Variants in RGS6 observed in about 807,000 individuals in gnomAD.
RGS6 encodes regulator of G protein signaling 6.
RGS6 carries 30 observed loss-of-function variants against 78.5 expected under a neutral mutation model. The observed-to-expected ratio is 0.38, with a 90% CI of 0.29 to 0.52. RGS6 has a LOEUF of 0.52. Ranked by LOEUF, RGS6 falls within the 20% of genes least tolerant of loss-of-function variation. The pLI, the probability that RGS6 is intolerant of heterozygous loss-of-function variation, is 0.85. For missense variants in RGS6, 495 were observed against 609.7 expected (o/e 0.81, Z 1.98); for synonymous variants, 206 against 206.0 (o/e 1.00, Z 0.00).
intron 2 of RGS6, among the ~76,000 whole-genome samples, chr14:72,076,180 C>T (rs17106719): frequency 0.036 from 5,421 of 152,260 alleles, 143 homozygotes; most frequent in African/African-American, 0.071. Context: ...CAGCGTGCGC[C>T]CTCCACAGGC....
chr14:72,132,652 CT>C (rs939650710), intron 2 of RGS6, among the ~76,000 whole-genome samples: 10 of 151,510 alleles, frequency 6.6e-5, no homozygotes, highest in South Asian at 2.1e-4. Context: ...TTCACACACT[CT>C]TTTTTTTTAA....
intron 1 of RGS6, among the ~76,000 whole-genome samples, chr14:71,944,326 C>T (rs577096696): frequency 1.8e-4 from 27 of 152,024 alleles, no homozygotes; most frequent in Non-Finnish European, 3.4e-4. Context: ...ATGAGGAAAC[C>T]GAGTGGAAAC....
At chr14:71,917,084 G>A in the RGS6 span, among the ~76,000 whole-genome samples, 1 of 152,180 alleles carries the variant, frequency 6.6e-6, no homozygotes, top group African/African-American at 2.4e-5. Context: ...CTGCACTCAT[G>A]GGTCAGGCTG....
chr14:72,297,222 G>C (rs755953756), intron 2 of RGS6, among the ~76,000 whole-genome samples: 46 of 152,030 alleles, frequency 3.0e-4, no homozygotes, highest in Non-Finnish European at 5.6e-4. Flanking sequence ...CTTCAACTTT[G>C]TTCTTCTATT....
At chr14:72,165,652 G>A (rs981996856) in intron 2 of RGS6, among the ~76,000 whole-genome samples, 19 of 152,158 alleles carry the variant, frequency 1.2e-4, no homozygotes, top group Non-Finnish European at 2.5e-4. Context: ...ATGCCAGCAC[G>A]TCGTTTTCTG....
the RGS6 span, chr14:72,619,980 T>TG: frequency 6.5e-7 from 1 of 1,534,014 alleles, no homozygotes; most frequent in East Asian, 2.4e-5. Context: ...GAAGAGTAGC[T>TG]GGTCCTGGTG....
chr14:71,994,357 A>G (rs1978227), intron 2 of RGS6, among the ~76,000 whole-genome samples: 67,714 of 151,852 alleles, frequency 0.45, 15,515 homozygotes, highest in East Asian at 0.54. Context: ...TCTCAAGTCA[A>G]TCATAACCTT....
intron 2 of RGS6, among the ~76,000 whole-genome samples, chr14:72,283,817 G>C (rs2062002521): frequency 6.6e-6 from 1 of 152,180 alleles, no homozygotes; most frequent in Non-Finnish European, 1.5e-5. Flanking sequence ...AGTTTGGAGG[G>C]CTCAGAAGAA....
chr14:72,516,589 C>T (rs997484720), intron 14 of RGS6, among the ~76,000 whole-genome samples: 4 of 152,208 alleles, frequency 2.6e-5, no homozygotes, highest in Non-Finnish European at 4.4e-5. Flanking sequence ...GCCCAGGCCA[C>T]CTGCGGAGAG....
the RGS6 span, among the ~76,000 whole-genome samples, chr14:71,914,455 C>G: frequency 6.6e-6 from 1 of 152,008 alleles, no homozygotes; most frequent in South Asian, 2.1e-4. Flanking sequence ...TTTCATGGAC[C>G]CTGGTGAGCT....
chr14:71,933,735 G>T (rs1389358662), intron 1 of RGS6, among the ~76,000 whole-genome samples: 1 of 152,112 alleles, frequency 6.6e-6, no homozygotes, highest in Non-Finnish European at 1.5e-5. Flanking sequence ...GGGTCTCGTC[G>T]GCTTGGGATT....
At chr14:72,442,137 G>A (rs1010311784) in intron 3 of RGS6, among the ~76,000 whole-genome samples, 10 of 151,666 alleles carry the variant, frequency 6.6e-5, no homozygotes, top group African/African-American at 2.4e-4. Context: ...TTGAATCTCT[G>A]GTGTCTGGCA....
At chr14:72,061,237 G>A (rs2093878441) in intron 2 of RGS6, among the ~76,000 whole-genome samples, 1 of 152,186 alleles carries the variant, frequency 6.6e-6, no homozygotes, top group Non-Finnish European at 1.5e-5. Context: ...TTAATTGACT[G>A]TGGTAAGATA....
intron 2 of RGS6, among the ~76,000 whole-genome samples, chr14:72,159,295 AT>A: frequency 6.6e-6 from 1 of 152,090 alleles, no homozygotes; most frequent in Admixed American, 6.6e-5. Flanking sequence ...AAAATATAGG[AT>A]TTTCCCCAGG....
intron 2 of RGS6, among the ~76,000 whole-genome samples, chr14:72,189,798 C>T (rs1427003412): frequency 2.0e-5 from 3 of 152,036 alleles, no homozygotes; most frequent in East Asian, 1.9e-4. Context: ...GAAATGAATA[C>T]CACATGGTTG....
chr14:72,198,911 C>T (rs923241521), intron 2 of RGS6, among the ~76,000 whole-genome samples: 2 of 152,124 alleles, frequency 1.3e-5, no homozygotes, highest in Admixed American at 6.5e-5. Context: ...CAGTAAATAC[C>T]GTAGAGGTTT....
intron 2 of RGS6, among the ~76,000 whole-genome samples, chr14:72,211,886 G>A (rs913872089): frequency 3.3e-5 from 5 of 152,164 alleles, no homozygotes; most frequent in African/African-American, 9.7e-5. Context: ...GGGGCAGGCC[G>A]TGAAGATATG....
chr14:72,561,322 C>T (rs61995156), intron 17 of RGS6, among the ~76,000 whole-genome samples: 2 of 152,184 alleles, frequency 1.3e-5, no homozygotes, highest in African/African-American at 4.8e-5. Context: ...CGAGCTATCA[C>T]GTGCTGCCCT....
At chr14:72,363,927 A>C (rs1291283130) in intron 3 of RGS6, among the ~76,000 whole-genome samples, 2 of 151,436 alleles carry the variant, frequency 1.3e-5, no homozygotes, top group Non-Finnish European at 2.9e-5. Flanking sequence ...AAGAATCTGA[A>C]AAACAAATGG....
Sources: gnomAD v4.1 joint callset for allele counts (sites outside exome capture counted in the v4.1 genomes callset) on GRCh38, gnomAD v4.1.1 for gene constraint, MANE v1.5 for transcripts, NCBI Gene and HGNC (gene_info 2026-07-23, HGNC 2026-07-21) for gene names.